XPO5: variants seen among roughly 807,000 people sequenced by gnomAD.
XPO5 encodes exportin-5.
XPO5 carries 46 observed loss-of-function variants against 160.6 expected under a neutral mutation model. The ratio of observed to expected loss-of-function variants is 0.29; its 90% CI spans 0.23 to 0.37. The LOEUF is 0.37. Ranked by LOEUF, XPO5 falls within the 10% of genes least tolerant of loss-of-function variation. XPO5 has a pLI of 1.00. For missense variants in XPO5, 1,090 were observed against 1,463.9 expected (o/e 0.74, Z 4.17); for synonymous variants, 537 against 519.3 (o/e 1.03, Z -0.46).
chr6:43,546,914 GA>G (rs1292230584), intron 19 of XPO5, among the ~76,000 whole-genome samples, 162 bp from the exon 20 acceptor site: 1 of 152,078 alleles, frequency 6.6e-6, no homozygotes, highest in Non-Finnish European at 1.5e-5. Context: ...CCTTTAAGGT[GA>G]AGTCCAAGAG....
intron 20 of XPO5, among the ~76,000 whole-genome samples, chr6:43,541,394 A>G (rs73426769): frequency 3.1e-4 from 47 of 152,376 alleles, no homozygotes; most frequent in African/African-American, 1.1e-3. Flanking sequence ...ATATGTATGT[A>G]CTGTGTACCC....
Position 43,530,902 on chromosome 6 carries a change from T to C in XPO5, c.2541-78A>G, listed in dbSNP as rs1163735152. The C allele has an allele frequency of 1.5e-5, 22 of 1,497,632 alleles. No individual in the cohort carries two copies. In the Admixed American group the frequency reaches 3.9e-4, roughly 26 times the overall value. 92.8% of individuals were successfully genotyped at this position (1,497,632 alleles called of 1,614,324 possible). The stretch of plus-strand genomic sequence containing the variant: ...TGCCAGCCCTGTCCCATGAATTTCA[T>C]TTCTAGCCTACAATAAGGTTTTTCA... On this transcript the variant is annotated intron_variant, in intron 22 of 31. Transcript: ENST00000265351.
chr6:43,524,857 G>A lies in XPO5; in HGVS notation c.3286C>T (p.Leu1096=), dbSNP rs1319584134. The A allele has an allele frequency of 2.5e-6, 4 of 1,613,748 alleles. No homozygotes were observed. The African/African-American group carries it at 4.0e-5, about 16-fold the overall frequency. ...AGTGCCTCGTATATCTGGAAGGCCA[G>A]ATGGACCAGGGAAGCCATGCACCCG... ...HDGCMASLVH[L]AFQIYEALRP... is the part of the protein sequence containing the mutation. The change falls in exon 30 of 32, where the codon CTG becomes TTG. Residue 1096 remains leucine, a synonymous_variant. Transcript: ENST00000265351.
At position 43,525,368 on chromosome 6, in the gene XPO5, G is replaced by A. The variant is rs1582191755; in HGVS notation, c.3067-154C>T. The A allele has an allele frequency of 8.7e-6, 6 of 692,558 alleles. No homozygotes were observed. In the South Asian group the frequency reaches 1.2e-4, roughly 13 times the overall value. 42.9% of individuals were successfully genotyped at this position (692,558 alleles called of 1,614,324 possible). A position where few individuals can be genotyped will look rare whatever the true frequency, so the allele number is the denominator to read the frequency against. On this transcript the variant is annotated intron_variant, in intron 28 of 31. Transcript: ENST00000265351. Reference sequence around the variant, plus strand: ...GCCCAGGCTGGTCCTGAACTCCTGGGCTCAAGCTATTCTCCCATCTAAGCC... The same window carrying A: ...GCCCAGGCTGGTCCTGAACTCCTGGACTCAAGCTATTCTCCCATCTAAGCC...
Position 43,546,765 on chromosome 6 carries a change from A to G in XPO5, c.2161-13T>C. The stretch of plus-strand genomic sequence containing the variant: ...CACAAAAGCTCATCTATAGAAAAAT[A>G]AGAATGACAGATAAATATTAAAAGG... On this transcript the variant is annotated splice_polypyrimidine_tract_variant and intron_variant, in intron 19 of 31. Coordinates refer to ENST00000265351, the MANE Select transcript of XPO5 (RefSeq NM_020750.3). 6.4e-7 allele frequency: 1 copy of G among 1,551,742 alleles called. No individual in the cohort carries two copies. The highest frequency in any genetic ancestry group is 8.7e-7 in the Non-Finnish European group (1 of 1,154,652).
At chr6:43,573,657 A>T (rs1326532445) in intron 1 of XPO5, 56 bp from the exon 2 acceptor site, 2 of 1,564,878 alleles carry the variant, frequency 1.3e-6, no homozygotes, top group African/African-American at 1.4e-5. Flanking sequence ...AGGGACTAAA[A>T]GAATTTCATC....
intron 22 of XPO5, 54 bp from the exon 23 acceptor site, chr6:43,530,878 G>C (rs1419336959): frequency 6.4e-7 from 1 of 1,568,336 alleles, no homozygotes; most frequent in Non-Finnish European, 8.6e-7. Context: ...ATCTGTTACT[G>C]CCAGCCCTGT....
chr6:43,561,146 AG>A, intron 9 of XPO5, 139 bp from the exon 10 acceptor site: 1 of 684,034 alleles, frequency 1.5e-6, no homozygotes, highest in Non-Finnish European at 2.5e-6. Flanking sequence ...TTTTGGCTAA[AG>A]AAAGGCATCA....
rs1156884252 is a variant in XPO5 at position 43,536,758 on chromosome 6, T to TAAAAAAAAAA, written c.2343-2761_2343-2752dup. 4.1e-3 allele frequency among the ~76,000 whole-genome samples: 79 copies of TAAAAAAAAAA among 19,098 alleles called. 8 individuals carry two copies. The highest frequency in any genetic ancestry group is 0.015 in the African/African-American group (61 of 4,092). 12.5% of individuals were successfully genotyped at this position (19,098 alleles called of 152,430 possible). A position where few individuals can be genotyped will look rare whatever the true frequency, so the allele number is the denominator to read the frequency against. On this transcript the variant is annotated intron_variant, in intron 20 of 31. Coordinates refer to ENST00000265351, the MANE Select transcript of XPO5 (RefSeq NM_020750.3). ...CTGGACGACAGAGTGAGACTCTATC[T>TAAAAAAAAAA]AAAAAAAAAAAAAAAAAAAAAAAAA... is the stretch of plus-strand genomic sequence containing the variant.
chr6:43,562,455 C>T (rs1048574151), intron 8 of XPO5, 109 bp from the exon 9 acceptor site: 7 of 826,886 alleles, frequency 8.5e-6, no homozygotes, highest in Non-Finnish European at 1.3e-5. Flanking sequence ...TGTAATTCAG[C>T]AGAATTCCAA....
chr6:43,527,821 CT>C lies in XPO5; in HGVS notation c.2823-91del. The C allele has an allele frequency of 2.2e-6, 3 of 1,361,704 alleles. No individual in the cohort carries two copies. The African/African-American group carries it at 4.3e-5, about 20-fold the overall frequency. 84.4% of individuals were successfully genotyped at this position (1,361,704 alleles called of 1,614,324 possible). ...ACCCTAATCAGACTCTCTCTGACCA[CT>C]TTCTTCTCCTTTGGGTCTTCGTTTT... On this transcript the variant is annotated intron_variant, in intron 25 of 31. Coordinates refer to ENST00000265351, the MANE Select transcript of XPO5 (RefSeq NM_020750.3).
chr6:43,567,227 T>C lies in XPO5; in HGVS notation c.776A>G (p.Asn259Ser). ...GGCTCCCAACTGAAGTTCCTGTTCA[T>C]TCAACAGCAAACACAGTATCTCCAG... ...KLLEILCLLL[N>S]EQELQLGAAE... Residue 259 changes from asparagine (N) to serine (S), a missense_variant, in exon 7 of 32, where the codon AAT (asparagine) becomes AGT (serine). Physicochemically the swap from Asn to Ser is conservative, Grantham distance 46 (BLOSUM62 1). Transcript: ENST00000265351. The C allele has an allele frequency of 6.2e-7, 1 of 1,613,906 alleles. No individual in the cohort carries two copies. Among genetic ancestry groups the C allele is most frequent in the Non-Finnish European group, 8.5e-7 (1 of 1,179,862 alleles).
In XPO5 at chr6:43,571,629, A is replaced by ACCC. The variant is rs1763013452; in HGVS notation, c.301-638_301-636dup. On this transcript the variant is annotated intron_variant, in intron 3 of 31. Coordinates refer to ENST00000265351, the MANE Select transcript of XPO5 (RefSeq NM_020750.3). ...AGACTAGCCTGGGAAACACAGTGAG[A>ACCC]CCCTGTCTCTCTAAAAACCAAAAAC... Among the ~76,000 whole-genome samples, 3 of 152,202 alleles carry ACCC rather than the reference A, an allele frequency of 2.0e-5. No homozygotes were observed. In the South Asian group the frequency reaches 6.2e-4, roughly 32 times the overall value.
At chr6:43,563,271 C>T (rs1041463701) in intron 8 of XPO5, among the ~76,000 whole-genome samples, 2 of 151,998 alleles carry the variant, frequency 1.3e-5, no homozygotes, top group Non-Finnish European at 2.9e-5. Context: ...GACTATAAAG[C>T]GCATGCCACC....
chr6:43,528,495 G>A (rs1057059152), intron 24 of XPO5, among the ~76,000 whole-genome samples: 1 of 151,946 alleles, frequency 6.6e-6, no homozygotes, highest in Non-Finnish European at 1.5e-5. Context: ...CACCCAGCTG[G>A]TCCCCCTGCT....
chr6:43,567,257 T>TA lies in XPO5; in HGVS notation c.745_746insT (p.Lys249IlefsTer12). On this transcript the variant is annotated frameshift_variant, in exon 7 of 32. Transcript: ENST00000265351. LOFTEE classifies it high-confidence loss of function. Reference sequence around the variant, plus strand: ...CAGCAAACACAGTATCTCCAGGAGTTTACAGTTTTCAGCAGTGATGTGACT... The same window carrying TA: ...CAGCAAACACAGTATCTCCAGGAGTTATACAGTTTTCAGCAGTGATGTGACT... 6.2e-7 allele frequency: 1 copy of TA among 1,613,978 alleles called. No individual in the cohort carries two copies. The highest frequency in any genetic ancestry group is 8.5e-7 in the Non-Finnish European group (1 of 1,179,880).
chr6:43,524,736 G>T, intron 30 of XPO5, 95 bp downstream of exon 30: 1 of 1,586,014 alleles, frequency 6.3e-7, no homozygotes, highest in Admixed American at 1.7e-5. Flanking sequence ...CCAGCAATTT[G>T]GCAGGTGCCT....
Position 43,546,309 on chromosome 6 carries a change from T to C in XPO5, c.2342+262A>G, listed in dbSNP as rs79285403. ...AAAATAGGGATGAAGTATAAAGAAA[T>C]GGAAGAACAACAAAGAGGAGGCTCA... On this transcript the variant is annotated intron_variant, in intron 20 of 31. Coordinates refer to ENST00000265351, the MANE Select transcript of XPO5 (RefSeq NM_020750.3). Among the ~76,000 whole-genome samples, 4,991 of 152,130 alleles carry C rather than the reference T, an allele frequency of 0.033. 266 individuals are homozygous for C. The highest frequency in any genetic ancestry group is 0.11 in the African/African-American group (4,618 of 41,492).
At chr6:43,546,774 A>C in intron 19 of XPO5, 22 bp from the exon 20 acceptor site, 6 of 1,523,594 alleles carry the variant, frequency 3.9e-6, no homozygotes, top group Non-Finnish European at 5.3e-6. Context: ...TAAGAATGAC[A>C]GATAAATATT....
Sources: allele counts gnomAD v4.1 joint callset (sites outside exome capture counted in the v4.1 genomes callset), GRCh38; gene constraint gnomAD v4.1.1; transcripts MANE v1.5; gene names NCBI Gene and HGNC (gene_info 2026-07-23, HGNC 2026-07-21).